BANP: variants seen among roughly 807,000 people sequenced by gnomAD.
The protein encoded by BANP is BTG3 associated nuclear protein, also known as protein BANP.
A neutral mutation model predicts 68.1 loss-of-function variants in BANP; 11 were observed. That is an observed-to-expected ratio of 0.16 (90% confidence interval 0.10 to 0.27). The LOEUF (loss-of-function observed/expected upper bound fraction) is 0.27. Among genes scored for constraint, BANP ranks in the 10% least tolerant of loss-of-function variants. BANP has a pLI of 1.00. For missense variants in BANP, 504 were observed against 722.7 expected, an observed-to-expected ratio of 0.70 and a Z score of 3.47; for synonymous variants, 329 against 303.2, an observed-to-expected ratio of 1.09 and a Z score of -0.88.
At chr16:88,028,338 C>CA (rs2077409832) in intron 8 of BANP, among the ~76,000 whole-genome samples, 2 of 152,232 alleles carry the variant, frequency 1.3e-5, no homozygotes, top group Non-Finnish European at 2.9e-5. Flanking sequence ...CTCTCCTATT[C>CA]AGTGGAGTCT....
chr16:88,035,376 G>A lies in BANP; in HGVS notation c.1254G>A (p.Gln418=). 6.2e-7 allele frequency: 1 copy of A among 1,611,178 alleles called. No homozygotes were observed. Among genetic ancestry groups the A allele is most frequent in the Non-Finnish European group, 8.5e-7 (1 of 1,179,064 alleles). ...IAQVPQGEQV[Q]ITQDSEGNLQ... ...AGGTGCCGCAGGGGGAGCAAGTCCA[G>A]ATCACGCAGGACAGCGAGGTGAGTC... Residue 418 remains glutamine (Q), a synonymous_variant, in exon 10 of 14, where the codon CAG becomes CAA. Transcript: ENST00000682872.
At position 87,992,316 on chromosome 16, in the gene BANP, C is replaced by CT. The variant is rs958944552; in HGVS notation, c.362+8065dup. Among the ~76,000 whole-genome samples the CT allele has an allele frequency of 9.7e-4, 147 of 152,042 alleles. 1 individual carries two copies. Among genetic ancestry groups the CT allele is most frequent in the Middle Eastern group, 3.4e-3 (1 of 294 alleles). ...GTGCAACATGTTAGTCTGCAGTTTT[C>CT]TTTTTTTTGCCATGTCTTTTTGTTA... On this transcript the variant is annotated intron_variant, in intron 4 of 13. Coordinates refer to ENST00000682872, the MANE Select transcript of BANP (RefSeq NM_001386991.1).
At chr16:87,972,017 T>C (rs1422034751) in intron 1 of BANP, among the ~76,000 whole-genome samples, 2 of 152,166 alleles carry the variant, frequency 1.3e-5, no homozygotes, top group Non-Finnish European at 2.9e-5. Context: ...GCTCTTGAGC[T>C]ATCAACCTCA....
chr16:88,037,613 G>A (rs922992923), intron 10 of BANP: 15 of 292,334 alleles, frequency 5.1e-5, no homozygotes, highest in South Asian at 1.7e-4. Flanking sequence ...GTCCCCCTTC[G>A]GGGAAGCTGG....
In BANP at chr16:88,071,205, G is replaced by A. The variant is rs1032728865; in HGVS notation, c.1378-864G>A. On this transcript the variant is annotated intron_variant, in intron 12 of 13. Transcript: ENST00000682872. The surrounding 1 kb of genome is among the most constrained non-coding windows in gnomAD (Gnocchi z 6.5). Reference sequence around the variant, plus strand: ...AGTGCGGTTCTGTGTGGAGGTGTGGGATGCATCTCCTGGCCCTCCCGTAGT... The same window carrying A: ...AGTGCGGTTCTGTGTGGAGGTGTGGAATGCATCTCCTGGCCCTCCCGTAGT... 4.3e-5 allele frequency: 15 copies of A among 345,418 alleles called. No individual in the cohort carries two copies. Among genetic ancestry groups the A allele is most frequent in the Non-Finnish European group, 2.3e-5 (4 of 175,704 alleles). The allele number at this position is 345,418 out of a possible 1,614,324, so 21.4% of individuals were successfully genotyped here. A position where few individuals can be genotyped will look rare whatever the true frequency, so the allele number is the denominator to read the frequency against.
chr16:88,050,407 C>T (rs770712460), intron 11 of BANP, among the ~76,000 whole-genome samples: 12 of 152,208 alleles, frequency 7.9e-5, no homozygotes, highest in Non-Finnish European at 1.5e-4. Context: ...CCACCTGCCT[C>T]GGCCTCCCAG....
rs145257067 is a variant in BANP at position 88,002,865 on chromosome 16, G to A, written c.363-1430G>A. 1.2e-3 allele frequency among the ~76,000 whole-genome samples: 176 copies of A among 152,336 alleles called. No homozygotes were observed. Among genetic ancestry groups the A allele is most frequent in the Non-Finnish European group, 1.8e-3 (124 of 68,034 alleles). On this transcript the variant is annotated intron_variant, in intron 4 of 13. Transcript: ENST00000682872. This position sits in a 1 kb window ranked among gnomAD's most constrained non-coding sequence, Gnocchi z 4.6. ...GGACTGTTGGCTTCTCAGCAGCACC[G>A]TCCTTCTTCAGTTGCTCATGGGGGG...
intron 1 of BANP, among the ~76,000 whole-genome samples, chr16:87,962,688 A>G (rs975785002): frequency 3.9e-5 from 6 of 152,192 alleles, no homozygotes; most frequent in Non-Finnish European, 7.3e-5. Context: ...GGGCCATCTT[A>G]AAGAAAAAGC....
chr16:87,984,368 G>A (rs183689725), intron 4 of BANP, 109 bp downstream of exon 4: 748 of 1,236,834 alleles, frequency 6.0e-4, no homozygotes, highest in Non-Finnish European at 7.6e-4. Flanking sequence ...GATGCGCGGT[G>A]TCTGCCTCAG....
At chr16:88,066,739 T>C (rs1384362553) in intron 12 of BANP, among the ~76,000 whole-genome samples, 1 of 152,252 alleles carries the variant, frequency 6.6e-6, no homozygotes, top group East Asian at 1.9e-4. Flanking sequence ...TCAGTTTTTT[T>C]TTCCCCCAGA....
Position 88,064,451 on chromosome 16 carries a change from G to A in BANP, c.1312-816G>A, listed in dbSNP as rs977039491. Among the ~76,000 whole-genome samples, 1 of 152,228 alleles carries A rather than the reference G, an allele frequency of 6.6e-6. No homozygotes were observed. Among genetic ancestry groups the A allele is most frequent in the Non-Finnish European group, 1.5e-5 (1 of 68,036 alleles). ...ATGTGCGCATTCACTTAGGGTCCAA[G>A]AAATGAGTGGGCCTTGAATGAGCAA... On this transcript the variant is annotated intron_variant, in intron 11 of 13. Transcript: ENST00000682872. The surrounding 1 kb of genome is among the most constrained non-coding windows in gnomAD (Gnocchi z 4.5).
chr16:87,988,395 C>G (rs1040821627), intron 4 of BANP, among the ~76,000 whole-genome samples: 4 of 151,846 alleles, frequency 2.6e-5, no homozygotes, highest in Non-Finnish European at 5.9e-5. Context: ...TCCTGAGTAG[C>G]TGGGATTACA....
At chr16:88,058,147 G>A (rs145081682) in intron 11 of BANP, among the ~76,000 whole-genome samples, 367 of 152,266 alleles carry the variant, frequency 2.4e-3, no homozygotes, top group African/African-American at 8.2e-3. Context: ...GACTGTGCCC[G>A]TGCCTGGTTA....
intron 1 of BANP, among the ~76,000 whole-genome samples, chr16:87,960,669 A>T (rs1438975518): frequency 6.6e-6 from 1 of 152,200 alleles, no homozygotes; most frequent in East Asian, 1.9e-4. Flanking sequence ...AAAATCAGTG[A>T]TTCTGCTCTG....
chr16:87,961,826 A>G (rs992068204), intron 1 of BANP, among the ~76,000 whole-genome samples: 1 of 152,178 alleles, frequency 6.6e-6, no homozygotes, highest in Non-Finnish European at 1.5e-5. Flanking sequence ...GTTAGTGATC[A>G]TGACAGGGCG....
intron 1 of BANP, among the ~76,000 whole-genome samples, chr16:87,953,198 A>G (rs565441910): frequency 3.7e-4 from 57 of 152,052 alleles, no homozygotes; most frequent in Middle Eastern, 3.4e-3. Flanking sequence ...TTCTTAAAAA[A>G]AAAAGCCCAT....
At chr16:87,955,252 C>T (rs142431739) in intron 1 of BANP, among the ~76,000 whole-genome samples, 2 of 152,274 alleles carry the variant, frequency 1.3e-5, no homozygotes, top group Admixed American at 6.5e-5. Context: ...CCTTGCCAGC[C>T]GAGCGTCCAG....
chr16:88,027,622 G>A lies in BANP; in HGVS notation c.1035G>A (p.Thr345=). 4 of 1,613,654 alleles carry A rather than the reference G, an allele frequency of 2.5e-6. No individual in the cohort carries two copies. The highest frequency in any genetic ancestry group is 3.4e-6 in the Non-Finnish European group (4 of 1,179,892). ...SLAVKSFSRR[T]PNSSSYCPSE... ...CGGTCAAGAGCTTCTCGCGGAGAAC[G>A]CCCAACTCGTCCTCCTACTGCCCTT... The change falls in exon 8 of 14, where the codon ACG becomes ACA. Residue 345 remains threonine (T), a synonymous_variant. Transcript: ENST00000682872.
intron 1 of BANP, among the ~76,000 whole-genome samples, chr16:87,969,864 T>A (rs1051198958): frequency 6.6e-6 from 1 of 151,770 alleles, no homozygotes; most frequent in African/African-American, 2.4e-5. Flanking sequence ...TTTCTGTGAA[T>A]TCATTTTCAT....
Sources: allele counts gnomAD v4.1 joint callset (sites outside exome capture counted in the v4.1 genomes callset), GRCh38; gene constraint gnomAD v4.1.1; non-coding constraint Gnocchi (gnomAD v3.1); transcripts MANE v1.5; gene names NCBI Gene and HGNC (gene_info 2026-07-23, HGNC 2026-07-21).